The following PCLO variants were observed in gnomAD, a reference collection of about 807,000 sequenced individuals.
PCLO encodes the protein piccolo presynaptic cytomatrix protein, also known as protein piccolo.
PCLO carries 82 observed loss-of-function variants against 427.5 expected under a neutral mutation model. That is an observed-to-expected ratio of 0.19 (90% confidence interval 0.16 to 0.23). PCLO has a LOEUF of 0.23. PCLO is among the 10% of genes least tolerant of loss of function. PCLO has a pLI of 1.00. For missense variants in PCLO, 6,239 were observed against 6,115.9 expected, an observed-to-expected ratio of 1.02 and a Z score of -0.67; for synonymous variants, 2,357 against 2,155.4, an observed-to-expected ratio of 1.09 and a Z score of -2.59.
chr7:83,069,331 A>C (rs561296893), intron 3 of PCLO, among the ~76,000 whole-genome samples: 1 of 152,262 alleles, frequency 6.6e-6, no homozygotes, highest in African/African-American at 2.4e-5. Flanking sequence ...ATTTGGTTGA[A>C]AAAAATCCAC....
intron 15 of PCLO, among the ~76,000 whole-genome samples, chr7:82,836,634 T>C (rs1792239816): frequency 6.6e-6 from 1 of 152,174 alleles, no homozygotes; most frequent in Non-Finnish European, 1.5e-5. Context: ...TTAAAAGCTG[T>C]GAACTAACTT....
chr7:83,034,131 T>C (rs1355305126), intron 3 of PCLO, among the ~76,000 whole-genome samples: 2 of 152,154 alleles, frequency 1.3e-5, no homozygotes, highest in African/African-American at 4.8e-5. Context: ...TTCCATTCCA[T>C]GACAGAAAAT....
At chr7:82,851,190 T>C (rs1792644343) in intron 10 of PCLO, among the ~76,000 whole-genome samples, 1 of 151,978 alleles carries the variant, frequency 6.6e-6, no homozygotes, top group Admixed American at 6.6e-5. Context: ...ATGCATACTC[T>C]ATCACCTAAA....
rs758585139 is a variant in PCLO, at chr7:82,956,543, C to A, written c.4410G>T (p.Glu1470Asp). The change falls in exon 5 of 25, where the codon GAG (glutamate) becomes GAT (aspartate). Residue 1470 changes from glutamate to aspartate, a missense_variant. Physicochemically the swap from Glu to Asp is conservative, Grantham distance 45. Transcript: ENST00000333891. Reference sequence around the variant, plus strand: ...AAGTGTCTTTCCTTTCTTCTTGACTCTCTTTGATCTCCTCTTCTGAAATAG... The same window carrying A: ...AAGTGTCTTTCCTTTCTTCTTGACTATCTTTGATCTCCTCTTCTGAAATAG... ...EITISEEEIK[E>D]SQEERKDTFK... 3 of 1,612,726 alleles carry A rather than the reference C, an allele frequency of 1.9e-6. No homozygotes were observed. In the East Asian group the frequency reaches 6.7e-5, roughly 36 times the overall value.
In PCLO at chr7:82,953,239, A is replaced by G. The variant is rs1192801348; in HGVS notation, c.7714T>C (p.Phe2572Leu). Reference sequence around the variant, plus strand: ...TAAGTTTCTGTGAGGGATTTGGAAAATCTTGGTGAAGACTTGTTGGAGTGT... The same window carrying G: ...TAAGTTTCTGTGAGGGATTTGGAAAGTCTTGGTGAAGACTTGTTGGAGTGT... ...SPHSNKSSPR[F>L]SKSLTETYVV... is the part of the protein sequence containing the mutation. The change falls in exon 5 of 25, where the codon TTT (phenylalanine) becomes CTT (leucine). Residue 2572 changes from phenylalanine to leucine, a missense_variant. This residue lies in a region of PCLO where 4,677 missense variants were observed against 4,468.4 expected (regional missense o/e 1.05). Coordinates refer to ENST00000333891, the MANE Select transcript of PCLO (RefSeq NM_033026.6). 5.6e-6 allele frequency: 9 copies of G among 1,613,804 alleles called. No individual in the cohort carries two copies. The highest frequency in any genetic ancestry group is 7.6e-6 in the Non-Finnish European group (9 of 1,179,880).
chr7:82,775,952 A>G (rs945390889), intron 22 of PCLO, among the ~76,000 whole-genome samples: 3 of 152,180 alleles, frequency 2.0e-5, no homozygotes, highest in African/African-American at 7.2e-5. Context: ...GTGAATAGAT[A>G]AAATACTTTT....
chr7:82,832,954 A>G (rs923917064), intron 16 of PCLO, among the ~76,000 whole-genome samples: 2 of 152,058 alleles, frequency 1.3e-5, no homozygotes, highest in African/African-American at 2.4e-5. Flanking sequence ...CTTATTGTCT[A>G]TCATTTTATT....
intron 6 of PCLO, among the ~76,000 whole-genome samples, chr7:82,920,755 C>T (rs1261474909): frequency 6.6e-6 from 1 of 151,700 alleles, no homozygotes; most frequent in Non-Finnish European, 1.5e-5. Flanking sequence ...AAGTAAAGCA[C>T]ATAGCCACAC....
At chr7:82,975,026 C>T (rs549772484) in intron 3 of PCLO, among the ~76,000 whole-genome samples, 1 of 152,128 alleles carries the variant, frequency 6.6e-6, no homozygotes, top group African/African-American at 2.4e-5. Flanking sequence ...ATCCACCCAC[C>T]TCAGCCTCCC....
At chr7:82,893,491 G>A (rs1793823929) in intron 9 of PCLO, among the ~76,000 whole-genome samples, 1 of 151,852 alleles carries the variant, frequency 6.6e-6, no homozygotes, top group South Asian at 2.1e-4. Context: ...GTTAATGGGT[G>A]CAGCACACCA....
chr7:83,124,420 A>G (rs1013418979), intron 3 of PCLO, among the ~76,000 whole-genome samples: 1 of 152,146 alleles, frequency 6.6e-6, no homozygotes. Flanking sequence ...AACCTGCTCA[A>G]CATCATTAGT....
chr7:83,085,232 A>G (rs1441564896), intron 3 of PCLO, among the ~76,000 whole-genome samples: 1 of 152,202 alleles, frequency 6.6e-6, no homozygotes, highest in East Asian at 1.9e-4. Flanking sequence ...CAACTTGTGG[A>G]AAGAAACATG....
intron 3 of PCLO, among the ~76,000 whole-genome samples, chr7:82,989,513 T>G (rs1268266814): frequency 6.6e-6 from 1 of 152,056 alleles, no homozygotes; most frequent in Non-Finnish European, 1.5e-5. Flanking sequence ...TGAATATAAT[T>G]TACTCAAATG....
At position 82,824,398 on chromosome 7, in the gene PCLO, TAGATAAATC is replaced by T. The variant is rs758624596; in HGVS notation, c.14425_14433del (p.Asp4809_Ser4811del). On this transcript the variant is annotated inframe_deletion, in exon 19 of 25. Transcript: ENST00000333891. ...GGAGTGTTATCGAGGTGAGATGTGC[TAGATAAATC>T]AATCAATACCTGAAAAAAAGTGTAA... 1 of 1,598,140 alleles carries T rather than the reference TAGATAAATC, an allele frequency of 6.3e-7. No homozygotes were observed. The highest frequency in any genetic ancestry group is 2.2e-5 in the East Asian group (1 of 44,602).
At chr7:83,092,650 A>G (rs1790406847) in intron 3 of PCLO, among the ~76,000 whole-genome samples, 1 of 152,116 alleles carries the variant, frequency 6.6e-6, no homozygotes, top group South Asian at 2.1e-4. Context: ...CCTAAATGTA[A>G]TAAAAACACA....
intron 3 of PCLO, among the ~76,000 whole-genome samples, chr7:82,989,619 T>G (rs1796333488): frequency 6.6e-6 from 1 of 152,228 alleles, no homozygotes; most frequent in Admixed American, 6.5e-5. Flanking sequence ...ACTGTATTTA[T>G]TCTCATAATA....
chr7:82,965,850 G>A lies in PCLO; in HGVS notation c.3938C>T (p.Thr1313Ile), dbSNP rs1227931602. 3.1e-6 allele frequency: 5 copies of A among 1,613,862 alleles called. No individual in the cohort carries two copies. Among genetic ancestry groups the A allele is most frequent in the Non-Finnish European group, 4.2e-6 (5 of 1,179,826 alleles). Residue 1313 changes from threonine (T) to isoleucine (I), a missense_variant, in exon 4 of 25, where the codon ACA becomes ATA. By Grantham distance (89) the Thr-to-Ile change is moderately conservative. This residue lies in a region of PCLO where 4,677 missense variants were observed against 4,468.4 expected (regional missense o/e 1.05). Transcript: ENST00000333891. Reference protein sequence around the residue: ...PQSLPKEDDKTTKTIKEQPQP... With the variant: ...PQSLPKEDDKITKTIKEQPQP... The stretch of plus-strand genomic sequence containing the variant: ...TGGCTGTTCTTTTATTGTTTTGGTT[G>A]TCTTATCATCTTCTTTAGGTAAACT...
chr7:83,156,145 C>T lies in PCLO; in HGVS notation c.496G>A (p.Val166Ile), dbSNP rs1473467738. The T allele has an allele frequency of 6.2e-7, 1 of 1,613,652 alleles. No individual in the cohort carries two copies. The highest frequency in any genetic ancestry group is 1.1e-5 in the South Asian group (1 of 91,072). ...TTGAATTTATTTACAACAGAGGAAA[C>T]AGCACTTAAAGCGTTAACCTCTGAG... Reference protein sequence around the residue: ...FLSEVNALSAVSSVVNKFNPF... With the variant: ...FLSEVNALSAISSVVNKFNPF... Residue 166 changes from valine (V) to isoleucine (I), a missense_variant, in exon 2 of 25, where the codon GTT becomes ATT. By Grantham distance (29) the Val-to-Ile change is conservative (BLOSUM62 3). This residue lies in a region of PCLO where 4,677 missense variants were observed against 4,468.4 expected (regional missense o/e 1.05). Transcript: ENST00000333891.
At chr7:82,840,581 A>G (rs1396777310) in intron 14 of PCLO, among the ~76,000 whole-genome samples, 1 of 152,092 alleles carries the variant, frequency 6.6e-6, no homozygotes, top group African/African-American at 2.4e-5. Flanking sequence ...TGATTCTTCA[A>G]CCATTACTCT....
Sources: gnomAD v4.1 joint callset for allele counts (sites outside exome capture counted in the v4.1 genomes callset) on GRCh38, gnomAD v4.1.1 for gene constraint, gnomAD v4.1.1 regional missense constraint, MANE v1.5 for transcripts, NCBI Gene and HGNC (gene_info 2026-07-23, HGNC 2026-07-21) for gene names.